The following RELCH variants were observed in gnomAD, a reference collection of about 807,000 sequenced individuals.
RELCH encodes RAB11 binding and LisH domain, coiled-coil and HEAT repeat containing, also known as RAB11-binding protein RELCH.
A neutral mutation model predicts 150.3 loss-of-function variants in RELCH; 41 were observed. The ratio of observed to expected loss-of-function variants is 0.27; its 90% CI spans 0.21 to 0.35. The LOEUF (loss-of-function observed/expected upper bound fraction) is 0.35, where lower values mean the gene tolerates loss of function less well. Ranked by LOEUF, RELCH falls within the 10% of genes least tolerant of loss-of-function variation. RELCH has a pLI of 1.00. For missense variants in RELCH, 1,092 were observed against 1,467.8 expected (o/e 0.74, Z 4.18); for synonymous variants, 478 against 531.8 (o/e 0.90, Z 1.39).
intron 10 of RELCH, among the ~76,000 whole-genome samples, chr18:62,239,129 A>G (rs1352583086): frequency 1.3e-5 from 2 of 152,072 alleles, no homozygotes; most frequent in Non-Finnish European, 2.9e-5. Flanking sequence ...AACCTATGTG[A>G]TGTTGGCATG....
intron 8 of RELCH, among the ~76,000 whole-genome samples, chr18:62,229,518 G>GTGTA (rs539055675): frequency 2.0e-5 from 3 of 147,748 alleles, no homozygotes; most frequent in African/African-American, 7.4e-5. Flanking sequence ...GTGTGTGTGT[G>GTGTA]TGTCTGTCTG....
chr18:62,259,372 A>G (rs2043146223), intron 15 of RELCH, among the ~76,000 whole-genome samples: 1 of 151,934 alleles, frequency 6.6e-6, no homozygotes, highest in Admixed American at 6.6e-5. Context: ...AAATCAAGAA[A>G]GCAATCACAT....
chr18:62,257,724 G>A (rs902222510), intron 13 of RELCH, among the ~76,000 whole-genome samples: 2 of 151,876 alleles, frequency 1.3e-5, no homozygotes, highest in African/African-American at 4.8e-5. Context: ...GAGAGGAAGG[G>A]ATTTGGGCAT....
At chr18:62,231,022 A>G (rs1011671768) in intron 8 of RELCH, among the ~76,000 whole-genome samples, 172 bp from the exon 9 acceptor site, 11 of 152,060 alleles carry the variant, frequency 7.2e-5, no homozygotes, top group Admixed American at 2.0e-4. Flanking sequence ...AGTGACCTGT[A>G]TAAGTTTCTC....
chr18:62,196,751 G>T (rs1346849235), intron 1 of RELCH, among the ~76,000 whole-genome samples: 1 of 151,928 alleles, frequency 6.6e-6, no homozygotes, highest in Non-Finnish European at 1.5e-5. Flanking sequence ...TTTTTACATC[G>T]ATATATTTAT....
rs1271867480 is a variant in RELCH at position 62,234,541 on chromosome 18, A to G, written c.1620+2114A>G. On this transcript the variant is annotated intron_variant, in intron 10 of 28. Transcript: ENST00000644646. ...AGCCTTTTTATTGGTATTTAAATAA[A>G]ATTTAAATGTTCTTTAGTAAACTGA... 3.9e-5 allele frequency among the ~76,000 whole-genome samples: 6 copies of G among 152,142 alleles called. 1 individual carries two copies. In the South Asian group the frequency reaches 1.0e-3, roughly 26 times the overall value.
intron 10 of RELCH, among the ~76,000 whole-genome samples, chr18:62,240,548 A>G (rs1167735490): frequency 6.6e-6 from 1 of 151,738 alleles, no homozygotes; most frequent in East Asian, 1.9e-4. Flanking sequence ...AACTGCGACT[A>G]CAGGTGCACA....
intron 27 of RELCH, among the ~76,000 whole-genome samples, chr18:62,295,318 G>GTTTTTTTT (rs201022051): frequency 7.8e-6 from 1 of 127,434 alleles, no homozygotes; most frequent in Non-Finnish European, 1.7e-5. Flanking sequence ...AGCCTGGTGT[G>GTTTTTTTT]TTTTTTTTTT....
intron 18 of RELCH, among the ~76,000 whole-genome samples, chr18:62,265,186 CT>C (rs1386844017): frequency 6.6e-6 from 1 of 152,054 alleles, no homozygotes; most frequent in Non-Finnish European, 1.5e-5. Flanking sequence ...TACTTACTGT[CT>C]ATCACAGGTT....
chr18:62,282,558 C>T, intron 25 of RELCH, 114 bp downstream of exon 25: 1 of 978,138 alleles, frequency 1.0e-6, no homozygotes, highest in Admixed American at 2.3e-5. Context: ...TGTGTTAAAG[C>T]CTTGTGTACT....
At position 62,307,430 on chromosome 18, in the gene RELCH, TAATG is replaced by T. The variant is rs1449279820; in HGVS notation, c.*1900_*1903del. On this transcript the variant is annotated 3_prime_UTR_variant, in exon 29 of 29. Transcript: ENST00000644646. ...TTTTATTGTGAACATTTTTCTTAAT[TAATG>T]AATATATTTATTTAAGTGCTAATGT... 1.3e-5 allele frequency: 2 copies of T among 152,126 alleles called. No individual in the cohort carries two copies. Among genetic ancestry groups the T allele is most frequent in the Non-Finnish European group, 2.9e-5 (2 of 67,988 alleles). 9.4% of individuals were successfully genotyped at this position (152,126 alleles called of 1,614,324 possible). A position where few individuals can be genotyped will look rare whatever the true frequency, so the allele number is the denominator to read the frequency against.
chr18:62,191,971 G>T (rs1311119494), intron 1 of RELCH, among the ~76,000 whole-genome samples: 1 of 152,228 alleles, frequency 6.6e-6, no homozygotes, highest in East Asian at 1.9e-4. Context: ...GAATCACCAC[G>T]CTGTCTTCCA....
intron 22 of RELCH, among the ~76,000 whole-genome samples, chr18:62,276,198 C>A (rs1254713060): frequency 6.6e-6 from 1 of 152,080 alleles, no homozygotes; most frequent in Non-Finnish European, 1.5e-5. Flanking sequence ...TCCAGTCTTG[C>A]AATAAATCTA....
chr18:62,248,832 CAG>C (rs2042554982), intron 11 of RELCH, among the ~76,000 whole-genome samples: 1 of 152,100 alleles, frequency 6.6e-6, no homozygotes, highest in African/African-American at 2.4e-5. Flanking sequence ...AGCATCTACT[CAG>C]AGTGATGAGG....
intron 1 of RELCH, among the ~76,000 whole-genome samples, chr18:62,193,904 A>C (rs2038833548): frequency 6.6e-6 from 1 of 152,140 alleles, no homozygotes; most frequent in Non-Finnish European, 1.5e-5. Flanking sequence ...ATCAAATGTG[A>C]ATTTTGCAAA....
intron 13 of RELCH, among the ~76,000 whole-genome samples, chr18:62,256,836 C>A (rs908468771): frequency 6.6e-6 from 1 of 151,972 alleles, no homozygotes; most frequent in Non-Finnish European, 1.5e-5. Flanking sequence ...TGTGTGGATA[C>A]CAACCAACAA....
At position 62,277,993 on chromosome 18, in the gene RELCH, G is replaced by A. The variant is rs141418712; in HGVS notation, c.2968-1781G>A. 158 of 229,334 alleles carry A rather than the reference G, an allele frequency of 6.9e-4. 1 individual carries two copies. Among genetic ancestry groups the A allele is most frequent in the African/African-American group, 3.5e-3 (152 of 43,282 alleles). 14.2% of individuals were successfully genotyped at this position (229,334 alleles called of 1,614,324 possible). A position where few individuals can be genotyped will look rare whatever the true frequency, so the allele number is the denominator to read the frequency against. ...CTTAGACTTGGACAAGTTACTTTCC[G>A]AAGCCTCAGTTTCTTCATCTGTTAA... is the stretch of plus-strand genomic sequence containing the variant. On this transcript the variant is annotated intron_variant, in intron 22 of 28. Transcript: ENST00000644646.
At chr18:62,292,550 A>T (rs999582227) in intron 27 of RELCH, among the ~76,000 whole-genome samples, 2 of 152,062 alleles carry the variant, frequency 1.3e-5, no homozygotes, top group South Asian at 4.1e-4. Flanking sequence ...CTCTAACCCC[A>T]TGCTGGAGCC....
At chr18:62,192,513 A>T (rs929570072) in intron 1 of RELCH, among the ~76,000 whole-genome samples, 1 of 152,102 alleles carries the variant, frequency 6.6e-6, no homozygotes, top group Non-Finnish European at 1.5e-5. Flanking sequence ...GGGTTTTCAT[A>T]GTTTTGGGTT....
Sources: gnomAD v4.1 joint callset for allele counts (sites outside exome capture counted in the v4.1 genomes callset) on GRCh38, gnomAD v4.1.1 for gene constraint, MANE v1.5 for transcripts, NCBI Gene and HGNC (gene_info 2026-07-23, HGNC 2026-07-21) for gene names.